Variants in PTPRC observed in about 807,000 individuals in gnomAD.
The protein encoded by PTPRC is protein tyrosine phosphatase receptor type C.
Under a neutral mutation model 155.9 loss-of-function variants are expected in PTPRC, and 44 were observed. The ratio of observed to expected loss-of-function variants is 0.28; its 90% CI spans 0.22 to 0.36. The LOEUF (loss-of-function observed/expected upper bound fraction) is 0.36, where lower values mean the gene tolerates loss of function less well. Among genes scored for constraint, PTPRC ranks in the 10% least tolerant of loss-of-function variants. The pLI is 1.00. For missense variants in PTPRC, 1,401 were observed against 1,564.6 expected, an observed-to-expected ratio of 0.90 and a Z score of 1.76; for synonymous variants, 525 against 533.1, an observed-to-expected ratio of 0.98 and a Z score of 0.21.
In PTPRC at chr1:198,756,817, T is replaced by G. The variant is rs950106826; in HGVS notation, c.*636T>G. 6 of 151,996 alleles carry G rather than the reference T, an allele frequency of 3.9e-5. No homozygotes were observed. The highest frequency in any genetic ancestry group is 1.4e-4 in the African/African-American group (6 of 41,436). The allele number at this position is 151,996 out of a possible 1,614,324, so 9.4% of individuals were successfully genotyped here. A position where few individuals can be genotyped will look rare whatever the true frequency, so the allele number is the denominator to read the frequency against. On this transcript the variant is annotated 3_prime_UTR_variant, in exon 33 of 33. Transcript: ENST00000442510. ...TTATATTCCATATATTAGCATTTAG[T>G]CCAATGTCTTTTTAAGCTTATTTAA...
chr1:198,752,170 G>A (rs945953032), intron 29 of PTPRC, 79 bp from the exon 30 acceptor site: 2 of 1,473,994 alleles, frequency 1.4e-6, no homozygotes, highest in Non-Finnish European at 1.9e-6. Flanking sequence ...GACAGAGAAA[G>A]AAAGGGAGAA....
At chr1:198,687,108 G>A (rs768071702) in intron 2 of PTPRC, among the ~76,000 whole-genome samples, 2 of 152,082 alleles carry the variant, frequency 1.3e-5, no homozygotes, top group Non-Finnish European at 2.9e-5. Flanking sequence ...ACTCATGGGC[G>A]TAGCCTCCCA....
At chr1:198,718,902 A>C (rs866888530) in intron 14 of PTPRC, among the ~76,000 whole-genome samples, 89 of 152,258 alleles carry the variant, frequency 5.8e-4, no homozygotes, top group African/African-American at 2.0e-3. Flanking sequence ...ACTATATCAC[A>C]CACACCTTTC....
intron 2 of PTPRC, among the ~76,000 whole-genome samples, chr1:198,657,063 TAC>T (rs202001937): frequency 0.018 from 2,668 of 150,728 alleles, 37 homozygotes; most frequent in Non-Finnish European, 0.024. Context: ...AATATATATA[TAC>T]ACACACACAC....
At chr1:198,685,189 C>T (rs545837581) in intron 2 of PTPRC, among the ~76,000 whole-genome samples, 1 of 151,854 alleles carries the variant, frequency 6.6e-6, no homozygotes, top group South Asian at 2.1e-4. Context: ...TATTAATATA[C>T]CCAATATTTT....
chr1:198,742,209 C>CA, intron 24 of PTPRC, 23 bp from the exon 25 acceptor site: 1 of 1,610,792 alleles, frequency 6.2e-7, no homozygotes, highest in Non-Finnish European at 8.5e-7. Context: ...CATGCCTCTG[C>CA]TTTTTTTTGC....
rs531680240 is a variant in PTPRC at position 198,687,174 on chromosome 1, G to A, written c.74-5173G>A. ...TACCCGGATAATTTTTGTATTTTAAGTAGAGACGAGGTTTTGCATGTTTCC... is the reference window on the plus strand; with the variant it reads ...TACCCGGATAATTTTTGTATTTTAAATAGAGACGAGGTTTTGCATGTTTCC... On this transcript the variant is annotated intron_variant, in intron 2 of 32. Coordinates refer to ENST00000442510, the MANE Select transcript of PTPRC (RefSeq NM_002838.5). Among the ~76,000 whole-genome samples the A allele has an allele frequency of 3.3e-5, 5 of 152,266 alleles. No homozygotes were observed. In the South Asian group the frequency reaches 1.0e-3, roughly 32 times the overall value.
At chr1:198,753,025 G>C (rs539820324) in intron 31 of PTPRC, among the ~76,000 whole-genome samples, 1 of 151,760 alleles carries the variant, frequency 6.6e-6, no homozygotes, top group Non-Finnish European at 1.5e-5. Context: ...TTGATTCCTT[G>C]GTAGCTAACA....
At chr1:198,751,762 C>A (rs1473466332) in intron 29 of PTPRC, among the ~76,000 whole-genome samples, 1 of 151,980 alleles carries the variant, frequency 6.6e-6, no homozygotes, top group Non-Finnish European at 1.5e-5. Flanking sequence ...GCTATGTAGA[C>A]AAAATATATA....
chr1:198,751,436 A>G (rs931800808), intron 29 of PTPRC, among the ~76,000 whole-genome samples: 2 of 151,920 alleles, frequency 1.3e-5, no homozygotes, highest in East Asian at 3.9e-4. Flanking sequence ...TATGCAAAAG[A>G]TTTATGCTTT....
At chr1:198,651,067 C>T (rs1663222227) in intron 2 of PTPRC, among the ~76,000 whole-genome samples, 1 of 151,516 alleles carries the variant, frequency 6.6e-6, no homozygotes, top group Non-Finnish European at 1.5e-5. Context: ...ATGTCTTTAC[C>T]TAATATATCC....
In PTPRC at chr1:198,639,222, T is replaced by G. The variant is rs1255244311; in HGVS notation, c.-43-4T>G. On this transcript the variant is annotated splice_polypyrimidine_tract_variant and splice_region_variant and intron_variant, in intron 1 of 32. Transcript: ENST00000442510. The stretch of plus-strand genomic sequence containing the variant: ...ACAGAGATAACAATTATTTTGCTTT[T>G]CAGAAGGACGCATGCTGTTTCTTAG... 4 of 1,536,932 alleles carry G rather than the reference T, an allele frequency of 2.6e-6. No individual in the cohort carries two copies. Among genetic ancestry groups the G allele is most frequent in the Non-Finnish European group, 3.6e-6 (4 of 1,110,162 alleles).
chr1:198,662,923 C>T lies in PTPRC; in HGVS notation c.73+23582C>T, dbSNP rs189734841. 7.9e-5 allele frequency among the ~76,000 whole-genome samples: 12 copies of T among 152,288 alleles called. No homozygotes were observed. In the East Asian group the frequency reaches 2.3e-3, roughly 29 times the overall value. On this transcript the variant is annotated intron_variant, in intron 2 of 32. Coordinates refer to ENST00000442510, the MANE Select transcript of PTPRC (RefSeq NM_002838.5). Reference sequence around the variant, plus strand: ...TTCTGAACTAACCATTCCCTCTCTGCAGTTGATGTAACTGTGCCATGTGAC... The same window carrying T: ...TTCTGAACTAACCATTCCCTCTCTGTAGTTGATGTAACTGTGCCATGTGAC...
chr1:198,693,769 G>A (rs1023039050), intron 3 of PTPRC, among the ~76,000 whole-genome samples: 5 of 152,162 alleles, frequency 3.3e-5, no homozygotes, highest in Admixed American at 3.3e-4. Flanking sequence ...TTGTGAAAGG[G>A]AATGTGAACT....
intron 8 of PTPRC, among the ~76,000 whole-genome samples, chr1:198,705,557 A>G (rs1455078323): frequency 6.6e-6 from 1 of 151,002 alleles, no homozygotes. Context: ...AGTAGCTGGG[A>G]CTATAGGCAC....
intron 2 of PTPRC, among the ~76,000 whole-genome samples, chr1:198,676,370 G>C (rs950699052): frequency 1.3e-5 from 2 of 152,094 alleles, no homozygotes; most frequent in African/African-American, 4.8e-5. Flanking sequence ...ATCCAACTGT[G>C]AAAAACTTTC....
chr1:198,724,759 A>C (rs542403582), intron 15 of PTPRC, among the ~76,000 whole-genome samples: 1 of 148,122 alleles, frequency 6.8e-6, no homozygotes, highest in East Asian at 2.0e-4. Flanking sequence ...TTCTGTCTTT[A>C]TTCTTGGTCT....
intron 22 of PTPRC, among the ~76,000 whole-genome samples, chr1:198,734,754 G>A (rs1367569083): frequency 6.6e-6 from 1 of 151,604 alleles, no homozygotes; most frequent in African/African-American, 2.4e-5. Flanking sequence ...AAACAAAACT[G>A]ACCTTGGGCA....
chr1:198,716,591 G>A, intron 12 of PTPRC, 91 bp from the exon 13 acceptor site: 1 of 1,142,970 alleles, frequency 8.7e-7, no homozygotes, highest in East Asian at 2.4e-5. Flanking sequence ...GAGTTCACTT[G>A]GAACAATGTG....
Sources: allele counts gnomAD v4.1 joint callset (sites outside exome capture counted in the v4.1 genomes callset), GRCh38; gene constraint gnomAD v4.1.1; transcripts MANE v1.5; gene names NCBI Gene and HGNC (gene_info 2026-07-23, HGNC 2026-07-21).